Variants in TTC7A observed in about 807,000 individuals in gnomAD.
The protein encoded by TTC7A is tetratricopeptide repeat protein 7A.
A neutral mutation model predicts 103.7 loss-of-function variants in TTC7A; 110 were observed. The observed-to-expected ratio is 1.06, with a 90% CI of 0.91 to 1.24. The LOEUF (loss-of-function observed/expected upper bound fraction) is 1.24, where lower values mean the gene tolerates loss of function less well. TTC7A is among the 50% of genes most tolerant of loss of function. TTC7A has a pLI of 0.00. For synonymous variants in TTC7A, 521 were observed against 467.9 expected (o/e 1.11, Z -1.47); for missense variants, 1,340 against 1,116.3 (o/e 1.20, Z -2.86).
At chr2:46,920,043 G>A (rs1332907058) in intron 2 of TTC7A, among the ~76,000 whole-genome samples, 1 of 152,180 alleles carries the variant, frequency 6.6e-6, no homozygotes, top group Non-Finnish European at 1.5e-5. Flanking sequence ...ATAAACTGGG[G>A]TGGTGAATAT....
chr2:46,982,858 T>C (rs941779980), intron 5 of TTC7A, among the ~76,000 whole-genome samples: 3 of 152,024 alleles, frequency 2.0e-5, no homozygotes, highest in Non-Finnish European at 4.4e-5. Flanking sequence ...TCCTAGCTGC[T>C]CGGGAGGCTG....
At chr2:47,024,176 C>A in intron 13 of TTC7A, 111 bp from the exon 14 acceptor site, 1 of 929,930 alleles carries the variant, frequency 1.1e-6, no homozygotes, top group Non-Finnish European at 1.6e-6. Context: ...CAGAATCCCC[C>A]AGGGTATTGC....
upstream of TTC7A, among the ~76,000 whole-genome samples, chr2:46,940,096 C>T (rs1050268146): frequency 2.0e-5 from 3 of 152,118 alleles, no homozygotes; most frequent in Non-Finnish European, 4.4e-5. This position sits in a 1 kb window ranked among gnomAD's most constrained non-coding sequence, Gnocchi z 4.7. Context: ...ACTAATCACC[C>T]TGTGTGGCTT....
At chr2:46,971,789 A>G (rs192195374) in intron 3 of TTC7A, among the ~76,000 whole-genome samples, 2 of 152,296 alleles carry the variant, frequency 1.3e-5, no homozygotes, top group African/African-American at 2.4e-5. Flanking sequence ...TTGAGCCTCT[A>G]CTTACTACAT....
chr2:46,941,424 C>T lies in TTC7A; in HGVS notation c.-118C>T. The T allele has an allele frequency of 1.8e-6, 2 of 1,117,302 alleles. No homozygotes were observed. The highest frequency in any genetic ancestry group is 3.5e-4 in the Middle Eastern group (1 of 2,896). 69.2% of individuals were successfully genotyped at this position (1,117,302 alleles called of 1,614,324 possible). On this transcript the variant is annotated 5_prime_UTR_variant, in exon 1 of 20. Coordinates refer to ENST00000319190, the MANE Select transcript of TTC7A (RefSeq NM_020458.4). This position sits in a 1 kb window ranked among gnomAD's most constrained non-coding sequence, Gnocchi z 4.2. Reference sequence around the variant, plus strand: ...CCCGGGCCCCCGCTGCCGCCCGGGCCCCGGCTGCCGTCTGCGCCCCCGTCG... The same window carrying T: ...CCCGGGCCCCCGCTGCCGCCCGGGCTCCGGCTGCCGTCTGCGCCCCCGTCG...
Position 46,994,220 on chromosome 2 carries a change from G to A in TTC7A, c.844-137G>A, listed in dbSNP as rs1020275872. 1.3e-5 allele frequency: 13 copies of A among 996,780 alleles called. No homozygotes were observed. In the South Asian group the frequency reaches 2.1e-4, roughly 16 times the overall value. 61.7% of individuals were successfully genotyped at this position (996,780 alleles called of 1,614,324 possible). A position where few individuals can be genotyped will look rare whatever the true frequency, so the allele number is the denominator to read the frequency against. ...AGGAGCAAGGGGGCTCCTTGGGAGT[G>A]GGGTTGGGGAGTTTACCCAAAGGGC... On this transcript the variant is annotated intron_variant, in intron 6 of 19. Coordinates refer to ENST00000319190, the MANE Select transcript of TTC7A (RefSeq NM_020458.4).
At chr2:46,984,544 G>GC (rs914799993) in intron 5 of TTC7A, among the ~76,000 whole-genome samples, 3 of 152,170 alleles carry the variant, frequency 2.0e-5, no homozygotes, top group Non-Finnish European at 2.9e-5. Flanking sequence ...TCCATTGAGA[G>GC]CCCCCCGACA....
intron 3 of TTC7A, among the ~76,000 whole-genome samples, chr2:46,961,408 T>G (rs541897937): frequency 4.0e-4 from 61 of 151,874 alleles, no homozygotes; most frequent in African/African-American, 1.4e-3. Context: ...AAACCCTATC[T>G]CTACTAAAAA....
chr2:47,072,362 G>A (rs1451253854), intron 19 of TTC7A, among the ~76,000 whole-genome samples: 1 of 152,182 alleles, frequency 6.6e-6, no homozygotes, highest in Admixed American at 6.5e-5. Context: ...CCGCCCCCTG[G>A]CCGCAAGATC....
At chr2:47,018,645 A>G (rs1572924204) in intron 11 of TTC7A, among the ~76,000 whole-genome samples, 1 of 151,642 alleles carries the variant, frequency 6.6e-6, no homozygotes, top group African/African-American at 2.4e-5. Flanking sequence ...AAGAAAGTAG[A>G]TATCATATAT....
chr2:47,033,803 C>G (rs1680816964), intron 15 of TTC7A, among the ~76,000 whole-genome samples: 1 of 152,156 alleles, frequency 6.6e-6, no homozygotes. Flanking sequence ...AGGCTGTATC[C>G]TGGGTCCCCA....
intron 2 of TTC7A, among the ~76,000 whole-genome samples, chr2:46,934,324 T>C (rs573080476): frequency 3.2e-4 from 48 of 152,320 alleles, no homozygotes; most frequent in African/African-American, 1.2e-3. Context: ...AGTGGCACAA[T>C]CTCAGCTCAC....
chr2:47,067,635 T>G (rs1410021270), intron 19 of TTC7A, among the ~76,000 whole-genome samples: 2 of 152,242 alleles, frequency 1.3e-5, no homozygotes, highest in Non-Finnish European at 2.9e-5. Flanking sequence ...TCATCTGACC[T>G]GGACCTGAGT....
intron 3 of TTC7A, among the ~76,000 whole-genome samples, chr2:46,968,942 T>A (rs1274100767): frequency 6.6e-6 from 1 of 151,574 alleles, no homozygotes; most frequent in Non-Finnish European, 1.5e-5. Flanking sequence ...GTGTTTTTTT[T>A]TTTTTTTTAA....
At chr2:46,955,381 C>T (rs1368299661) in intron 2 of TTC7A, among the ~76,000 whole-genome samples, 3 of 152,186 alleles carry the variant, frequency 2.0e-5, no homozygotes, top group Non-Finnish European at 4.4e-5. Flanking sequence ...AGCAAATCCC[C>T]TCAAAAGATT....
chr2:47,027,271 G>T (rs1470197502), intron 14 of TTC7A, among the ~76,000 whole-genome samples: 1 of 152,148 alleles, frequency 6.6e-6, no homozygotes, highest in Non-Finnish European at 1.5e-5. Flanking sequence ...GGCCAGCTGG[G>T]CCCTGCCGTG....
At chr2:46,958,647 C>A in intron 3 of TTC7A, 1 of 856,412 alleles carries the variant, frequency 1.2e-6, no homozygotes, top group Non-Finnish European at 1.6e-6. Context: ...CCTTTGCCTG[C>A]CTCCTCTCTG....
rs144904153 is a variant in TTC7A at position 46,981,420 on chromosome 2, A to C, written c.764+2513A>C. 5.5e-3 allele frequency among the ~76,000 whole-genome samples: 835 copies of C among 151,946 alleles called. 4 individuals carry two copies. Among genetic ancestry groups the C allele is most frequent in the African/African-American group, 0.019 (786 of 41,378 alleles). ...CTATGTGGGGCTGGGCACATAGTGG[A>C]CTGTGGCAGGTCAGGCTTGATCTGG... On this transcript the variant is annotated intron_variant, in intron 5 of 19. Coordinates refer to ENST00000319190, the MANE Select transcript of TTC7A (RefSeq NM_020458.4).
At chr2:47,070,172 A>C (rs559941778) in intron 19 of TTC7A, among the ~76,000 whole-genome samples, 4 of 152,304 alleles carry the variant, frequency 2.6e-5, no homozygotes, top group Non-Finnish European at 4.4e-5. Context: ...TGTGCAGTGG[A>C]ATTCTGAAAA....
Sources: gnomAD v4.1 joint callset for allele counts (sites outside exome capture counted in the v4.1 genomes callset) on GRCh38, gnomAD v4.1.1 for gene constraint, Gnocchi (gnomAD v3.1) non-coding constraint, MANE v1.5 for transcripts, NCBI Gene and HGNC (gene_info 2026-07-23, HGNC 2026-07-21) for gene names.